GATB: variants seen among roughly 807,000 people sequenced by gnomAD.
The protein encoded by GATB is glutamyl-tRNA amidotransferase subunit B.
Under a neutral mutation model 62.3 loss-of-function variants are expected in GATB, and 39 were observed. That is an observed-to-expected ratio of 0.63 (90% CI 0.48 to 0.82). The LOEUF (loss-of-function observed/expected upper bound fraction) is 0.82, where lower values mean the gene tolerates loss of function less well. GATB is among the 40% of genes least tolerant of loss of function. GATB has a pLI of 0.00. For synonymous variants in GATB, 276 were observed against 258.9 expected, an observed-to-expected ratio of 1.07 and a Z score of -0.63; for missense variants, 670 against 684.0, an observed-to-expected ratio of 0.98 and a Z score of 0.23.
Position 151,682,784 on chromosome 4 carries a change from G to A in GATB, c.1332-2893C>T, listed in dbSNP as rs373490675. Reference sequence around the variant, plus strand: ...CTGCTTCTGTTAAAACAGGATGCAAGAAGAAGGAAGACATTGGGACTTGGG... The same window carrying A: ...CTGCTTCTGTTAAAACAGGATGCAAAAAGAAGGAAGACATTGGGACTTGGG... On this transcript the variant is annotated intron_variant, in intron 10 of 12. Coordinates refer to ENST00000263985, the MANE Select transcript of GATB (RefSeq NM_004564.3). Among the ~76,000 whole-genome samples the A allele has an allele frequency of 3.0e-4, 46 of 152,240 alleles. 1 individual carries two copies. In the East Asian group the frequency reaches 6.0e-3, roughly 20 times the overall value.
chr4:151,755,501 TTAC>T (rs1739809296), intron 2 of GATB, among the ~76,000 whole-genome samples: 1 of 152,202 alleles, frequency 6.6e-6, no homozygotes, highest in South Asian at 2.1e-4. Context: ...CCTAAAAGAA[TTAC>T]TACGTCAATA....
chr4:151,731,349 A>G (rs28637056), intron 2 of GATB, among the ~76,000 whole-genome samples: 89,074 of 152,122 alleles, frequency 0.59, 28,452 homozygotes, highest in African/African-American at 0.86. Flanking sequence ...GCTCCTAATC[A>G]CAAGTGATCT....
chr4:151,722,482 A>T, intron 2 of GATB: 1 of 430,312 alleles, frequency 2.3e-6, no homozygotes, highest in Non-Finnish European at 4.1e-6. Context: ...TCCTGCCTAC[A>T]TCTTCAATTT....
intron 2 of GATB, chr4:151,720,813 C>T (rs1375660381): frequency 6.6e-6 from 1 of 152,208 alleles, no homozygotes; most frequent in Non-Finnish European, 1.5e-5. Context: ...GCAAACAGAA[C>T]TTCTGTGGTT....
In GATB at chr4:151,671,031, G is replaced by A. The variant is rs866685950; in HGVS notation, c.*143C>T. 3.0e-5 allele frequency: 29 copies of A among 951,102 alleles called. No homozygotes were observed. In the Middle Eastern group the frequency reaches 1.0e-3, roughly 34 times the overall value. The allele number at this position is 951,102 out of a possible 1,614,324, so 58.9% of individuals were successfully genotyped here. A position where few individuals can be genotyped will look rare whatever the true frequency, so the allele number is the denominator to read the frequency against. On this transcript the variant is annotated 3_prime_UTR_variant, in exon 13 of 13. Transcript: ENST00000263985. The stretch of plus-strand genomic sequence containing the variant: ...GGGCCTAGAGGGTGAGAACACTGGT[G>A]ACATTAATGCCATAGCTGTGGCTTG...
chr4:151,715,279 T>A (rs1005652876), intron 5 of GATB, among the ~76,000 whole-genome samples: 2 of 152,088 alleles, frequency 1.3e-5, no homozygotes, highest in Admixed American at 1.3e-4. Context: ...TTTCAAAAAG[T>A]CCCTAGGAAC....
chr4:151,693,599 C>T (rs1374824287), intron 9 of GATB, among the ~76,000 whole-genome samples: 1 of 152,154 alleles, frequency 6.6e-6, no homozygotes, highest in East Asian at 1.9e-4. Context: ...CTGAAATGGA[C>T]CCACAAACAT....
chr4:151,683,030 C>T (rs573486742), intron 10 of GATB, among the ~76,000 whole-genome samples: 1 of 152,150 alleles, frequency 6.6e-6, no homozygotes, highest in African/African-American at 2.4e-5. Context: ...ACAACCCCTC[C>T]ACCCCTGCTC....
chr4:151,680,951 T>C (rs1255131928), intron 10 of GATB, among the ~76,000 whole-genome samples: 1 of 152,200 alleles, frequency 6.6e-6, no homozygotes, highest in Non-Finnish European at 1.5e-5. Flanking sequence ...ATGCTGCCTA[T>C]CTGAGATCAT....
chr4:151,709,251 T>C (rs1738772750), intron 5 of GATB, among the ~76,000 whole-genome samples: 2 of 152,134 alleles, frequency 1.3e-5, no homozygotes, highest in Non-Finnish European at 2.9e-5. Context: ...GTGGGGCCTA[T>C]ACCAAGCTGG....
intron 2 of GATB, among the ~76,000 whole-genome samples, chr4:151,736,879 T>A (rs1327427453): frequency 6.6e-6 from 1 of 152,214 alleles, no homozygotes; most frequent in South Asian, 2.1e-4. Flanking sequence ...TCTGCTGCCA[T>A]GTGAGGCATG....
At chr4:151,755,976 G>A (rs1022434851) in intron 2 of GATB, among the ~76,000 whole-genome samples, 8 of 152,164 alleles carry the variant, frequency 5.3e-5, no homozygotes, top group African/African-American at 1.9e-4. Flanking sequence ...AGCTTTATTT[G>A]AGGGTAAAAA....
intron 3 of GATB, among the ~76,000 whole-genome samples, chr4:151,718,678 A>G (rs111974485): frequency 1.4e-4 from 22 of 152,328 alleles, no homozygotes; most frequent in African/African-American, 4.8e-4. Context: ...CTTCAGTTCA[A>G]GGAGAAAGAG....
chr4:151,707,775 C>T (rs1738741755), intron 6 of GATB, among the ~76,000 whole-genome samples: 1 of 152,184 alleles, frequency 6.6e-6, no homozygotes, highest in Non-Finnish European at 1.5e-5. Context: ...CATCAAGGCC[C>T]CAAGGTATGA....
chr4:151,708,129 T>G, intron 5 of GATB, 28 bp from the exon 6 acceptor site: 6 of 1,468,550 alleles, frequency 4.1e-6, no homozygotes, highest in Non-Finnish European at 5.7e-6. Flanking sequence ...AACAACTCCT[T>G]AGAAATTCTT....
At chr4:151,757,255 T>C (rs1444331287) in intron 2 of GATB, among the ~76,000 whole-genome samples, 1 of 152,034 alleles carries the variant, frequency 6.6e-6, no homozygotes, top group Non-Finnish European at 1.5e-5. Flanking sequence ...AAATCAAAGG[T>C]GATCCTTGAT....
chr4:151,750,002 C>T (rs1241454379), intron 2 of GATB, among the ~76,000 whole-genome samples: 2 of 152,152 alleles, frequency 1.3e-5, no homozygotes, highest in Non-Finnish European at 2.9e-5. Context: ...CTGCCTCAGC[C>T]TCCCGAGTAG....
intron 9 of GATB, among the ~76,000 whole-genome samples, chr4:151,693,404 C>T (rs1268935568): frequency 6.6e-6 from 1 of 152,192 alleles, no homozygotes; most frequent in Non-Finnish European, 1.5e-5. Flanking sequence ...TCAGCGAGTG[C>T]TCCTGTGAAC....
intron 2 of GATB, among the ~76,000 whole-genome samples, chr4:151,737,430 G>A (rs1460629415): frequency 2.0e-5 from 3 of 152,210 alleles, no homozygotes; most frequent in African/African-American, 7.2e-5. Flanking sequence ...CTTGGGTGCT[G>A]TTAAAGGCAC....
Sources: allele counts gnomAD v4.1 joint callset (sites outside exome capture counted in the v4.1 genomes callset), GRCh38; gene constraint gnomAD v4.1.1; transcripts MANE v1.5; gene names NCBI Gene and HGNC (gene_info 2026-07-23, HGNC 2026-07-21).